The following NTNG1 variants were observed in gnomAD, a reference collection of about 807,000 sequenced individuals.
NTNG1 encodes the protein netrin-G1.
NTNG1 carries 16 observed loss-of-function variants against 54.0 expected under a neutral mutation model. That is an observed-to-expected ratio of 0.30 (90% confidence interval 0.20 to 0.45). NTNG1 has a LOEUF of 0.45. Among genes scored for constraint, NTNG1 ranks in the 20% least tolerant of loss-of-function variants. NTNG1 has a pLI of 1.00. For missense variants in NTNG1, 530 were observed against 678.7 expected (o/e 0.78, Z 2.43); for synonymous variants, 255 against 263.1 (o/e 0.97, Z 0.30).
chr1:107,272,403 C>T (rs1214002308), intron 2 of NTNG1, among the ~76,000 whole-genome samples: 1 of 152,084 alleles, frequency 6.6e-6, no homozygotes, highest in Non-Finnish European at 1.5e-5. Context: ...CACTATTTAG[C>T]TCTCTGCTGG....
At chr1:107,298,503 T>G (rs551922380) in intron 2 of NTNG1, among the ~76,000 whole-genome samples, 14 of 152,272 alleles carry the variant, frequency 9.2e-5, no homozygotes, top group African/African-American at 2.6e-4. Flanking sequence ...AAGAAGCTGT[T>G]TTGCCAAAGT....
rs149642445 is a variant in NTNG1 at position 107,224,443 on chromosome 1, A to G, written c.246+75604A>G. On this transcript the variant is annotated intron_variant, in intron 2 of 7. Coordinates refer to ENST00000370068, the MANE Select transcript of NTNG1 (RefSeq NM_001113226.3). ...CATTGGTCACTGATTTCTAAGGCTG[A>G]TGATTTATGATATCGTCTTTCATGT... Among the ~76,000 whole-genome samples, 1,012 of 152,290 alleles carry G rather than the reference A, an allele frequency of 6.6e-3. 6 individuals carry two copies. The highest frequency in any genetic ancestry group is 0.011 in the Non-Finnish European group (727 of 68,008).
chr1:107,174,185 GC>G (rs1346049597), intron 2 of NTNG1, among the ~76,000 whole-genome samples: 1 of 152,040 alleles, frequency 6.6e-6, no homozygotes, highest in Non-Finnish European at 1.5e-5. Flanking sequence ...TGGAATGTTT[GC>G]TTTATGCCAT....
chr1:107,318,648 G>T (rs1042955688), intron 2 of NTNG1, among the ~76,000 whole-genome samples: 7 of 152,132 alleles, frequency 4.6e-5, no homozygotes, highest in Non-Finnish European at 8.8e-5. Flanking sequence ...CATTACATTT[G>T]TGAGTGGAAA....
At chr1:107,353,965 T>C (rs1214525140) in intron 3 of NTNG1, among the ~76,000 whole-genome samples, 2 of 152,132 alleles carry the variant, frequency 1.3e-5, no homozygotes, top group African/African-American at 4.8e-5. Flanking sequence ...CTCACTATCA[T>C]GAAACCAACA....
At chr1:107,430,113 T>C (rs1477268553) in intron 5 of NTNG1, among the ~76,000 whole-genome samples, 1 of 152,200 alleles carries the variant, frequency 6.6e-6, no homozygotes, top group Non-Finnish European at 1.5e-5. Context: ...TTTTTTTGTC[T>C]TCTCTCACAC....
In NTNG1 at chr1:107,298,433, G is replaced by A. The variant is rs371866896; in HGVS notation, c.247-25849G>A. ...TGGGGTGAGGACAAGGAAATACTGA[G>A]TTGTTATTCATATAAAAAGAAATCA... On this transcript the variant is annotated intron_variant, in intron 2 of 7. Coordinates refer to ENST00000370068, the MANE Select transcript of NTNG1 (RefSeq NM_001113226.3). Among the ~76,000 whole-genome samples, 79 of 152,248 alleles carry A rather than the reference G, an allele frequency of 5.2e-4. 1 individual carries two copies. In the East Asian group the frequency reaches 0.011, roughly 22 times the overall value.
At chr1:107,455,992 G>T (rs985285978) in intron 7 of NTNG1, among the ~76,000 whole-genome samples, 7 of 152,164 alleles carry the variant, frequency 4.6e-5, no homozygotes, top group African/African-American at 1.7e-4. Flanking sequence ...AATAATCCCT[G>T]AAGAGGTTTG....
rs144061461 is a variant in NTNG1 at position 107,473,232 on chromosome 1, A to G, written c.1391-7379A>G. Among the ~76,000 whole-genome samples the G allele has an allele frequency of 1.6e-3, 251 of 152,336 alleles. 2 individuals are homozygous for G. The highest frequency in any genetic ancestry group is 0.011 in the South Asian group (52 of 4,824). ...CAAAAAGAGAAACTTTCAAGTCTAT[A>G]AATACAGACCCAGCATTGCTCAAGC... On this transcript the variant is annotated intron_variant, in intron 7 of 7. Transcript: ENST00000370068.
intron 3 of NTNG1, among the ~76,000 whole-genome samples, chr1:107,382,451 A>G (rs1671708122): frequency 6.6e-6 from 1 of 152,196 alleles, no homozygotes; most frequent in African/African-American, 2.4e-5. Flanking sequence ...AAACATTTGT[A>G]CACACTTTGT....
intron 3 of NTNG1, among the ~76,000 whole-genome samples, chr1:107,380,448 A>AT (rs528782764): frequency 4.6e-5 from 7 of 151,998 alleles, no homozygotes; most frequent in Admixed American, 3.9e-4. Context: ...CCTAGGGATG[A>AT]TTTTTTTCTT....
intron 3 of NTNG1, among the ~76,000 whole-genome samples, chr1:107,363,513 A>T (rs1165287614): frequency 6.6e-6 from 1 of 152,198 alleles, no homozygotes; most frequent in Non-Finnish European, 1.5e-5. Context: ...GCACTTAATA[A>T]ATGTTAGTTA....
At chr1:107,290,984 T>C (rs9804104) in intron 2 of NTNG1, among the ~76,000 whole-genome samples, 49,573 of 139,548 alleles carry the variant, frequency 0.36, 9,246 homozygotes, top group East Asian at 0.48. Context: ...TATATATATA[T>C]ACACACACAC....
At chr1:107,361,397 T>A (rs1375386357) in intron 3 of NTNG1, among the ~76,000 whole-genome samples, 5 of 93,786 alleles carry the variant, frequency 5.3e-5, no homozygotes, top group African/African-American at 1.6e-4. Flanking sequence ...ATATATTTTT[T>A]TTTTTTTTTG....
At chr1:107,195,851 C>A (rs1300509865) in intron 2 of NTNG1, among the ~76,000 whole-genome samples, 8 of 151,980 alleles carry the variant, frequency 5.3e-5, no homozygotes, top group African/African-American at 1.9e-4. Flanking sequence ...TTCCTAGACA[C>A]GCTTTCTAAA....
chr1:107,297,220 TATATATATATATATATATATATATATGC>T (rs1203766168), intron 2 of NTNG1, among the ~76,000 whole-genome samples: 3 of 33,938 alleles, frequency 8.8e-5, no homozygotes, highest in Non-Finnish European at 2.0e-4. Flanking sequence ...TACCATCATA[TATATATATATATATATATATATATATGC>T]GCACACACAC....
chr1:107,329,431 T>C (rs1422865870), intron 3 of NTNG1, among the ~76,000 whole-genome samples: 2 of 152,196 alleles, frequency 1.3e-5, no homozygotes, highest in Non-Finnish European at 2.9e-5. Context: ...ATCGTGTTCT[T>C]GAAGCACAAC....
chr1:107,453,683 G>A (rs1218533259), intron 7 of NTNG1, among the ~76,000 whole-genome samples: 1 of 152,164 alleles, frequency 6.6e-6, no homozygotes, highest in Non-Finnish European at 1.5e-5. Flanking sequence ...GTAGGGAAGT[G>A]GGCTAGACTC....
At chr1:107,149,421 A>G (rs1654390969) in intron 2 of NTNG1, among the ~76,000 whole-genome samples, 1 of 151,902 alleles carries the variant, frequency 6.6e-6, no homozygotes, top group African/African-American at 2.4e-5. Flanking sequence ...TTATTTGCCA[A>G]CTCCCCTTAT....
Sources: allele counts gnomAD v4.1 joint callset (sites outside exome capture counted in the v4.1 genomes callset), GRCh38; gene constraint gnomAD v4.1.1; transcripts MANE v1.5; gene names NCBI Gene and HGNC (gene_info 2026-07-23, HGNC 2026-07-21).